FSAF1: variants seen among roughly 807,000 people sequenced by gnomAD.
FSAF1 encodes uncharacterized protein C1orf131.
chr1:231,226,020 A>C, the FSAF1 span: 4 of 153,016 alleles, frequency 2.6e-5, no homozygotes, highest in South Asian at 4.1e-4. Flanking sequence ...AAAAAAAAAA[A>C]AAAAACCTAA....
the FSAF1 span, among the ~76,000 whole-genome samples, chr1:231,231,615 G>A: frequency 1.3e-5 from 2 of 152,064 alleles, no homozygotes; most frequent in African/African-American, 2.4e-5. Context: ...GTTTTTGGCC[G>A]ATCTGTTACT....
chr1:231,223,916 T>C, the FSAF1 span: 1 of 168,492 alleles, frequency 5.9e-6, no homozygotes, highest in East Asian at 1.7e-4. Context: ...ATTAAAAATA[T>C]AAGGCAATTT....
chr1:231,239,240 A>G, the FSAF1 span: 2 of 1,438,282 alleles, frequency 1.4e-6, no homozygotes, highest in Non-Finnish European at 9.3e-7. Flanking sequence ...CTTAGCTATC[A>G]TCAGTATCAA....
the FSAF1 span, chr1:231,238,893 T>C: frequency 4.3e-6 from 7 of 1,613,920 alleles, no homozygotes; most frequent in Non-Finnish European, 5.9e-6. Flanking sequence ...TCAATTTTCT[T>C]TTTTTATTGC....
the FSAF1 span, chr1:231,241,060 G>A: frequency 6.2e-7 from 1 of 1,613,896 alleles, no homozygotes; most frequent in African/African-American, 1.3e-5. Flanking sequence ...GCGTCAAGAA[G>A]TGTCGGAGAA....
the FSAF1 span, among the ~76,000 whole-genome samples, chr1:231,227,998 C>G: frequency 1.1e-4 from 16 of 152,148 alleles, no homozygotes; most frequent in Admixed American, 1.0e-3. Context: ...TTAAGATGCT[C>G]TCTAAAACAA....
the FSAF1 span, chr1:231,227,122 A>G: frequency 6.5e-7 from 1 of 1,550,352 alleles, no homozygotes; most frequent in Non-Finnish European, 8.9e-7. Context: ...CTCCAAAGAA[A>G]AAAACATACT....
the FSAF1 span, among the ~76,000 whole-genome samples, chr1:231,230,318 G>C: frequency 2.6e-5 from 4 of 152,086 alleles, no homozygotes; most frequent in African/African-American, 9.7e-5. Context: ...AAAATTTAGA[G>C]GGTAAAACTG....
chr1:231,229,150 T>C, the FSAF1 span: 10 of 1,552,780 alleles, frequency 6.4e-6, 1 homozygote, highest in Admixed American at 1.6e-4. Context: ...AAGTACATAC[T>C]TTTTCTAGGT....
chr1:231,237,039 C>T, the FSAF1 span: 4 of 151,772 alleles, frequency 2.6e-5, no homozygotes, highest in African/African-American at 9.7e-5. Context: ...CTGTCACCCC[C>T]GCTGGAGTGC....
At chr1:231,227,189 T>C in the FSAF1 span, 8 of 996,518 alleles carry the variant, frequency 8.0e-6, no homozygotes, top group Non-Finnish European at 1.2e-5. Context: ...ACAGGAATAA[T>C]AACTCCACTG....
At chr1:231,228,471 C>T in the FSAF1 span, among the ~76,000 whole-genome samples, 6 of 151,920 alleles carry the variant, frequency 3.9e-5, no homozygotes, top group African/African-American at 1.2e-4. Flanking sequence ...TGGTGGCACA[C>T]GCCTGTAATC....
chr1:231,226,337 A>G, the FSAF1 span: 1 of 256,458 alleles, frequency 3.9e-6, no homozygotes, highest in Non-Finnish European at 7.6e-6. Flanking sequence ...ATCTCTGTAC[A>G]CATGGGCTTC....
chr1:231,229,254 T>G, the FSAF1 span: 2 of 1,290,668 alleles, frequency 1.5e-6, no homozygotes, highest in Non-Finnish European at 2.2e-6. Context: ...ACTATATCAT[T>G]ATAGTATCTA....
chr1:231,234,979 G>A, the FSAF1 span, among the ~76,000 whole-genome samples: 2 of 152,104 alleles, frequency 1.3e-5, no homozygotes, highest in Non-Finnish European at 2.9e-5. This position sits in a 1 kb window ranked among gnomAD's most constrained non-coding sequence, Gnocchi z 4.0. Flanking sequence ...GGTTCTGCAT[G>A]GTACTCCAGG....
At chr1:231,226,609 TG>T in the FSAF1 span, 1 of 825,792 alleles carries the variant, frequency 1.2e-6, no homozygotes, top group Non-Finnish European at 2.0e-6. Context: ...CTCGAAGAAA[TG>T]GGGAGCATGG....
At chr1:231,231,480 A>C in the FSAF1 span, among the ~76,000 whole-genome samples, 1 of 152,110 alleles carries the variant, frequency 6.6e-6, no homozygotes, top group African/African-American at 2.4e-5. Context: ...GTAATGGCTA[A>C]ATCAAGTCTC....
At chr1:231,237,692 C>T in the FSAF1 span, 2 of 152,224 alleles carry the variant, frequency 1.3e-5, no homozygotes, top group Non-Finnish European at 2.9e-5. Context: ...GACTACGGAA[C>T]TGTAAGAGAA....
At chr1:231,236,656 T>G in the FSAF1 span, 1 of 152,236 alleles carries the variant, frequency 6.6e-6, no homozygotes, top group South Asian at 2.1e-4. Context: ...TGAGGGAATA[T>G]AAGAGGAAAC....
Sources: allele counts gnomAD v4.1 joint callset (sites outside exome capture counted in the v4.1 genomes callset), GRCh38; gene constraint gnomAD v4.1.1; non-coding constraint Gnocchi (gnomAD v3.1); transcripts MANE v1.5; gene names NCBI Gene and HGNC (gene_info 2026-07-23, HGNC 2026-07-21).